SCN11A: variants seen among roughly 807,000 people sequenced by gnomAD.
SCN11A encodes sodium channel protein type 11 subunit alpha.
In SCN11A, 122 loss-of-function variants were observed where a neutral mutation model predicts 162.2. The ratio of observed to expected loss-of-function variants is 0.75; its 90% CI spans 0.65 to 0.87. SCN11A has a LOEUF of 0.87. SCN11A is among the 40% of genes least tolerant of loss of function. The pLI, the probability that SCN11A is intolerant of heterozygous loss-of-function variation, is 0.00. For missense variants in SCN11A, 2,015 were observed against 2,181.6 expected (o/e 0.92, Z 1.52); for synonymous variants, 758 against 751.5 (o/e 1.01, Z -0.14).
At chr3:38,876,256 T>C (rs1395287371) in intron 23 of SCN11A, among the ~76,000 whole-genome samples, 3 of 152,058 alleles carry the variant, frequency 2.0e-5, no homozygotes, top group African/African-American at 4.8e-5. Flanking sequence ...ACCATACAAA[T>C]TCTAGAAGAT....
At chr3:38,874,762 G>A (rs532736627) in intron 23 of SCN11A, among the ~76,000 whole-genome samples, 65 of 151,994 alleles carry the variant, frequency 4.3e-4, no homozygotes, top group African/African-American at 1.3e-3. Context: ...CTGTGAATCT[G>A]TAGGAAATTT....
At chr3:38,963,451 G>GATATAT (rs58073602) in intron 2 of SCN11A, among the ~76,000 whole-genome samples, 1 of 88,634 alleles carries the variant, frequency 1.1e-5, no homozygotes, top group Non-Finnish European at 2.0e-5. Context: ...ATATGATGGA[G>GATATAT]ATATATATAT....
chr3:38,924,450 C>T (rs1419687941), intron 9 of SCN11A, among the ~76,000 whole-genome samples: 1 of 151,888 alleles, frequency 6.6e-6, no homozygotes, highest in Non-Finnish European at 1.5e-5. Context: ...CCAGGCTCAC[C>T]GCAACCTCCC....
chr3:38,871,702 C>T lies in SCN11A; in HGVS notation c.3502G>A (p.Val1168Ile), dbSNP rs956421791. The T allele has an allele frequency of 3.8e-6, 6 of 1,594,566 alleles. No homozygotes were observed. Among genetic ancestry groups the T allele is most frequent in the Non-Finnish European group, 5.1e-6 (6 of 1,173,680 alleles). Reference sequence around the variant, plus strand: ...GGTATGGCACCTATGAGAGCATTGACCACCACCTTATGGAAACAAAAGCAA... The same window carrying T: ...GGTATGGCACCTATGAGAGCATTGATCACCACCTTATGGAAACAAAAGCAA... ...LSQFEGMKVV[V>I]NALIGAIPAI... The change falls in exon 25 of 30, where the codon GTC becomes ATC. Residue 1168 changes from valine to isoleucine, a missense_variant. By Grantham distance (29) the Val-to-Ile change is conservative. Coordinates refer to ENST00000302328, the MANE Select transcript of SCN11A (RefSeq NM_001349253.2).
chr3:39,036,396 C>T (rs960066137), intron 1 of SCN11A, among the ~76,000 whole-genome samples: 21 of 152,034 alleles, frequency 1.4e-4, no homozygotes, highest in Admixed American at 6.6e-4. Context: ...CTACCCGCCT[C>T]GGCCTCCTAA....
At chr3:38,921,456 C>G (rs2066051256) in intron 9 of SCN11A, among the ~76,000 whole-genome samples, 1 of 152,314 alleles carries the variant, frequency 6.6e-6, no homozygotes. Context: ...AAGCAGTCAA[C>G]AAGTTTGAGA....
chr3:38,911,574 T>A (rs2065888339), intron 11 of SCN11A, among the ~76,000 whole-genome samples: 1 of 152,186 alleles, frequency 6.6e-6, no homozygotes. Context: ...CTGCATCATT[T>A]CTTCACTAAT....
At chr3:39,030,633 T>C (rs989012083) in intron 2 of SCN11A, among the ~76,000 whole-genome samples, 2 of 152,178 alleles carry the variant, frequency 1.3e-5, no homozygotes, top group Non-Finnish European at 2.9e-5. Context: ...ATTTGACACA[T>C]CAGTTTGTGG....
In SCN11A at chr3:38,846,582, A is replaced by G; in HGVS notation, c.*112T>C. The G allele has an allele frequency of 1.3e-6, 1 of 750,956 alleles. No homozygotes were observed. The highest frequency in any genetic ancestry group is 1.8e-5 in the South Asian group (1 of 56,888). The allele number at this position is 750,956 out of a possible 1,614,324, so 46.5% of individuals were successfully genotyped here. ...TATTTTAGCCAGAAAAGAAAATGGAATGGCTAATTTGGTGAATCCACTCCC... is the reference window on the plus strand; with the variant it reads ...TATTTTAGCCAGAAAAGAAAATGGAGTGGCTAATTTGGTGAATCCACTCCC... On this transcript the variant is annotated 3_prime_UTR_variant, in exon 30 of 30. Coordinates refer to ENST00000302328, the MANE Select transcript of SCN11A (RefSeq NM_001349253.2).
rs941903376 is a variant in SCN11A at position 39,019,465 on chromosome 3, G to A, written c.-280+12915C>T. ...GTAATAACTCTGTCTCCTGTGTGAC[G>A]TGGCCGGCCTCACATCAATTAAACT... On this transcript the variant is annotated intron_variant, in intron 2 of 29. Coordinates refer to ENST00000302328, the MANE Select transcript of SCN11A (RefSeq NM_001349253.2). 4.6e-5 allele frequency among the ~76,000 whole-genome samples: 7 copies of A among 152,230 alleles called. No homozygotes were observed. The East Asian group carries it at 7.7e-4, about 17-fold the overall frequency.
At chr3:38,934,147 T>TA (rs2066290226) in intron 7 of SCN11A, among the ~76,000 whole-genome samples, 1 of 152,174 alleles carries the variant, frequency 6.6e-6, no homozygotes, top group South Asian at 2.1e-4. Flanking sequence ...GAAGGAGAAA[T>TA]AAAATCCTTT....
Position 38,846,480 on chromosome 3 carries a change from A to G in SCN11A, c.*214T>C, listed in dbSNP as rs1010136165. 4 of 551,764 alleles carry G rather than the reference A, an allele frequency of 7.2e-6. No homozygotes were observed. The highest frequency in any genetic ancestry group is 1.3e-5 in the Non-Finnish European group (4 of 309,934). The allele number at this position is 551,764 out of a possible 1,614,324, so 34.2% of individuals were successfully genotyped here. A position where few individuals can be genotyped will look rare whatever the true frequency, so the allele number is the denominator to read the frequency against. Reference sequence around the variant, plus strand: ...TTCCTGGTGTCTTCTTCCTTATTATAATAGTACCACTGGTTGTCAAGTAGC... The same window carrying G: ...TTCCTGGTGTCTTCTTCCTTATTATGATAGTACCACTGGTTGTCAAGTAGC... On this transcript the variant is annotated 3_prime_UTR_variant, in exon 30 of 30. Transcript: ENST00000302328.
intron 27 of SCN11A, among the ~76,000 whole-genome samples, chr3:38,865,974 AC>A: frequency 6.6e-6 from 1 of 152,222 alleles, no homozygotes; most frequent in Non-Finnish European, 1.5e-5. Context: ...GGTACCTAGC[AC>A]AGCATTTCTG....
intron 25 of SCN11A, 22 bp from the exon 26 acceptor site, chr3:38,870,766 A>G (rs749005349): frequency 1.2e-6 from 2 of 1,607,722 alleles, no homozygotes; most frequent in East Asian, 2.2e-5. Context: ...GCAGAAAAAC[A>G]TGAATAATAC....
intron 7 of SCN11A, among the ~76,000 whole-genome samples, chr3:38,928,274 C>T (rs570063944): frequency 6.6e-5 from 10 of 152,056 alleles, no homozygotes; most frequent in Admixed American, 2.6e-4. Context: ...ACTCTGACAA[C>T]AGAAAACCAA....
chr3:38,913,756 T>C (rs910173591), intron 11 of SCN11A, among the ~76,000 whole-genome samples: 2 of 152,052 alleles, frequency 1.3e-5, no homozygotes, highest in Admixed American at 6.6e-5. Flanking sequence ...ATAGGGTGTT[T>C]TCCTCATTGC....
intron 7 of SCN11A, among the ~76,000 whole-genome samples, chr3:38,943,831 G>A (rs1013719545): frequency 5.3e-5 from 8 of 152,102 alleles, no homozygotes; most frequent in Admixed American, 5.2e-4. Flanking sequence ...TGAGAGGTGA[G>A]GAATGGAGAG....
chr3:38,894,906 C>T lies in SCN11A; in HGVS notation c.2462G>A (p.Gly821Glu). The change falls in exon 19 of 30, where the codon GGA (glycine) becomes GAA (glutamate). Residue 821 changes from glycine (G) to glutamate (E), a missense_variant. Gly to Glu is a moderately conservative substitution (Grantham distance 98). Coordinates refer to ENST00000302328, the MANE Select transcript of SCN11A (RefSeq NM_001349253.2). The part of the protein sequence containing the change: ...LNSFSNEERN[G>E]NLEGEARKTK... ...TTTCCTGGCCTCTCCTTCTAAGTTT[C>T]CATTTCTTTCCTCATTGCTAAAGGA... 8 of 1,614,078 alleles carry T rather than the reference C, an allele frequency of 5.0e-6. No individual in the cohort carries two copies. Among genetic ancestry groups the T allele is most frequent in the Non-Finnish European group, 5.1e-6 (6 of 1,179,970 alleles).
intron 11 of SCN11A, among the ~76,000 whole-genome samples, chr3:38,914,538 G>A (rs140903425): frequency 1.7e-3 from 253 of 152,248 alleles, no homozygotes; most frequent in Middle Eastern, 3.4e-3. Context: ...AATAGGAGTG[G>A]TGAGAGAGGG....
Sources: gnomAD v4.1 joint callset for allele counts (sites outside exome capture counted in the v4.1 genomes callset) on GRCh38, gnomAD v4.1.1 for gene constraint, MANE v1.5 for transcripts, NCBI Gene and HGNC (gene_info 2026-07-23, HGNC 2026-07-21) for gene names.